Variants in SHANK2 observed in about 807,000 individuals in gnomAD.
SHANK2 encodes the protein SH3 and multiple ankyrin repeat domains 2.
Under a neutral mutation model 133.7 loss-of-function variants are expected in SHANK2, and 43 were observed. The ratio of observed to expected loss-of-function variants is 0.32; its 90% CI spans 0.25 to 0.41. The LOEUF (loss-of-function observed/expected upper bound fraction) is 0.41, where lower values mean the gene tolerates loss of function less well. Ranked by LOEUF, SHANK2 falls within the 10% of genes least tolerant of loss-of-function variation. The pLI, the probability that SHANK2 is intolerant of heterozygous loss-of-function variation, is 1.00. For synonymous variants in SHANK2, 1,017 were observed against 952.8 expected, an observed-to-expected ratio of 1.07 and a Z score of -1.24; for missense variants, 1,994 against 2,235.8, an observed-to-expected ratio of 0.89 and a Z score of 2.18.
chr11:70,589,882 G>A (rs1044091381), intron 17 of SHANK2, among the ~76,000 whole-genome samples: 18 of 152,074 alleles, frequency 1.2e-4, no homozygotes, highest in Non-Finnish European at 1.8e-4. Context: ...GGCCGGGCAC[G>A]GTGGCTCACG....
chr11:70,942,747 C>T (rs1409219534), intron 10 of SHANK2: 2 of 456,106 alleles, frequency 4.4e-6, no homozygotes, highest in African/African-American at 4.0e-5. Context: ...TCTGCCCTCA[C>T]CTTTTGCATT....
At chr11:70,518,108 C>A (rs777012360) in intron 17 of SHANK2, among the ~76,000 whole-genome samples, 3 of 152,164 alleles carry the variant, frequency 2.0e-5, no homozygotes, top group Non-Finnish European at 4.4e-5. Flanking sequence ...GAGATGAGTA[C>A]CCTGAGCCAG....
At chr11:70,748,993 T>G (rs1946701936) in intron 14 of SHANK2, among the ~76,000 whole-genome samples, 1 of 125,338 alleles carries the variant, frequency 8.0e-6, no homozygotes, top group Non-Finnish European at 1.7e-5. Context: ...ATCCCCCCCA[T>G]CACACACACA....
chr11:70,643,637 A>G (rs568347654), intron 17 of SHANK2, among the ~76,000 whole-genome samples: 61 of 150,868 alleles, frequency 4.0e-4, no homozygotes, highest in Non-Finnish European at 7.7e-4. Flanking sequence ...TGTGGTTAGT[A>G]TTTGGGATGG....
chr11:70,746,513 G>A (rs556059631), intron 14 of SHANK2, among the ~76,000 whole-genome samples: 24 of 141,424 alleles, frequency 1.7e-4, no homozygotes, highest in African/African-American at 4.0e-4. Flanking sequence ...GGGGTGCCCC[G>A]TGCTCACAGC....
chr11:70,768,789 G>T, intron 14 of SHANK2, among the ~76,000 whole-genome samples: 1 of 152,160 alleles, frequency 6.6e-6, no homozygotes, highest in South Asian at 2.1e-4. Flanking sequence ...GGGTGTGAGG[G>T]TGAGGCCAAG....
At chr11:71,146,443 A>AAGATGAAGCCACACCCCTTCCTCT (rs1555106702) in intron 3 of SHANK2, among the ~76,000 whole-genome samples, 5 of 152,146 alleles carry the variant, frequency 3.3e-5, no homozygotes, top group Admixed American at 6.5e-5. Flanking sequence ...CTTTACAGAC[A>AAGATGAAGCCACACCCCTTCCTCT]GCCCCAGTTC....
chr11:70,907,310 C>T (rs1555078129), intron 10 of SHANK2, among the ~76,000 whole-genome samples: 1 of 149,922 alleles, frequency 6.7e-6, no homozygotes. Flanking sequence ...GCAGGTCCAG[C>T]CCTCAGCACC....
intron 17 of SHANK2, among the ~76,000 whole-genome samples, chr11:70,605,828 A>C (rs1300537262): frequency 6.6e-6 from 1 of 152,220 alleles, no homozygotes; most frequent in Non-Finnish European, 1.5e-5. Flanking sequence ...CCAGGACGGC[A>C]GGTGGGCTGG....
At chr11:71,062,995 T>TAAA (rs1951005564) in intron 9 of SHANK2, among the ~76,000 whole-genome samples, 2 of 29,696 alleles carry the variant, frequency 6.7e-5, no homozygotes, top group African/African-American at 3.1e-4. Context: ...AGACCCTGTC[T>TAAA]CAAAAAAAAA....
At chr11:70,482,691 G>A (rs1412133358) in intron 25 of SHANK2, among the ~76,000 whole-genome samples, 3 of 152,218 alleles carry the variant, frequency 2.0e-5, no homozygotes, top group African/African-American at 4.8e-5. Context: ...TGTTCTTACT[G>A]TAAGAGAGCC....
At chr11:70,816,875 A>G (rs1948409439) in intron 12 of SHANK2, among the ~76,000 whole-genome samples, 1 of 152,222 alleles carries the variant, frequency 6.6e-6, no homozygotes, top group Non-Finnish European at 1.5e-5. Flanking sequence ...TGTTTGCAGG[A>G]CATTCAGACC....
At chr11:71,139,476 C>A (rs1208207116) in intron 3 of SHANK2, among the ~76,000 whole-genome samples, 2 of 152,082 alleles carry the variant, frequency 1.3e-5, no homozygotes, top group South Asian at 2.1e-4. Flanking sequence ...ACATTGTGCA[C>A]ATGGACCCTA....
At chr11:71,190,011 C>A (rs1953759918) in intron 2 of SHANK2, among the ~76,000 whole-genome samples, 1 of 152,236 alleles carries the variant, frequency 6.6e-6, no homozygotes, top group Non-Finnish European at 1.5e-5. Context: ...AAGAGCACAG[C>A]TGACTTGCTC....
intron 17 of SHANK2, among the ~76,000 whole-genome samples, chr11:70,564,873 CA>C (rs570307628): frequency 7.2e-5 from 11 of 152,312 alleles, no homozygotes; most frequent in Admixed American, 3.3e-4. Context: ...AAAATATATA[CA>C]ACAAAATTTA....
intron 17 of SHANK2, among the ~76,000 whole-genome samples, chr11:70,606,602 G>A (rs374578509): frequency 2.0e-5 from 3 of 151,674 alleles, no homozygotes; most frequent in East Asian, 3.9e-4. Flanking sequence ...GGTCCTTTGT[G>A]GGGGGCCAAG....
intron 23 of SHANK2, chr11:70,489,811 C>G (rs1555155267): frequency 7.5e-6 from 2 of 268,428 alleles, no homozygotes; most frequent in African/African-American, 5.1e-5. Context: ...CTGCAACACA[C>G]AGTACATTAT....
chr11:71,093,704 A>C (rs1555094654), intron 7 of SHANK2, among the ~76,000 whole-genome samples: 1 of 152,212 alleles, frequency 6.6e-6, no homozygotes, highest in African/African-American at 2.4e-5. Context: ...AGCCTGCAGA[A>C]TCATGAGCCA....
chr11:70,897,646 T>G (rs1277898640), intron 10 of SHANK2, among the ~76,000 whole-genome samples: 2 of 152,202 alleles, frequency 1.3e-5, no homozygotes, highest in East Asian at 3.9e-4. Flanking sequence ...AACATGGGCT[T>G]ACTTCATTTG....
Sources: gnomAD v4.1 joint callset for allele counts (sites outside exome capture counted in the v4.1 genomes callset) on GRCh38, gnomAD v4.1.1 for gene constraint, MANE v1.5 for transcripts, NCBI Gene and HGNC (gene_info 2026-07-23, HGNC 2026-07-21) for gene names.